Variants in NEUROG3 observed in about 807,000 individuals in gnomAD.
NEUROG3 encodes neurogenin 3, also known as neurogenin-3.
For synonymous variants in NEUROG3, 161 were observed against 139.2 expected (o/e 1.16, Z -1.10); for missense variants, 307 against 297.9 (o/e 1.03, Z -0.22).
In NEUROG3 at chr10:69,571,961, A is replaced by C; in HGVS notation, c.*438T>G. 1 of 190,572 alleles carries C rather than the reference A, an allele frequency of 5.2e-6. No homozygotes were observed. The highest frequency in any genetic ancestry group is 2.3e-3 in the Middle Eastern group (1 of 432). 11.8% of individuals were successfully genotyped at this position (190,572 alleles called of 1,614,324 possible). Reference sequence around the variant, plus strand: ...TCTTTGGAGCAAGGCAAGGGGAGTAAGCGCTGAGAGACCAAACATTGGATT... The same window carrying C: ...TCTTTGGAGCAAGGCAAGGGGAGTACGCGCTGAGAGACCAAACATTGGATT... On this transcript the variant is annotated 3_prime_UTR_variant, in exon 2 of 2. Transcript: ENST00000242462.
Position 69,572,035 on chromosome 10 carries a change from T to G in NEUROG3, c.*364A>C. 3.2e-6 allele frequency: 1 copy of G among 308,556 alleles called. No homozygotes were observed. Among genetic ancestry groups the G allele is most frequent in the South Asian group, 4.5e-5 (1 of 22,322 alleles). The allele number at this position is 308,556 out of a possible 1,614,324, so 19.1% of individuals were successfully genotyped here. On this transcript the variant is annotated 3_prime_UTR_variant, in exon 2 of 2. Coordinates refer to ENST00000242462, the MANE Select transcript of NEUROG3 (RefSeq NM_020999.4). ...TAAGAGACTGAGAGGCAGACAGACTTGAGTGAGGGTAGGGCGACCCAAGAC... is the reference window on the plus strand; with the variant it reads ...TAAGAGACTGAGAGGCAGACAGACTGGAGTGAGGGTAGGGCGACCCAAGAC...
rs1463946912 is a variant in NEUROG3, at chr10:69,571,760, A to G, written c.*639T>C. On this transcript the variant is annotated 3_prime_UTR_variant, in exon 2 of 2. Transcript: ENST00000242462. The stretch of plus-strand genomic sequence containing the variant: ...CGCAGTTCGCAGGGAGGCTGGGGAG[A>G]TGCTCCCTGGCCGGGCTAGCGCTTT... 1 of 152,088 alleles carries G rather than the reference A, an allele frequency of 6.6e-6. No individual in the cohort carries two copies. Among genetic ancestry groups the G allele is most frequent in the Non-Finnish European group, 1.5e-5 (1 of 68,020 alleles). The allele number at this position is 152,088 out of a possible 1,614,324, so 9.4% of individuals were successfully genotyped here.
In NEUROG3 at chr10:69,572,684, G is replaced by A; in HGVS notation, c.360C>T (p.Thr120=). The A allele has an allele frequency of 1.2e-6, 2 of 1,614,148 alleles. No homozygotes were observed. The highest frequency in any genetic ancestry group is 1.7e-4 in the Middle Eastern group (1 of 6,060). ...GGGCGAAGCGCAGCGTCTCGATCTT[G>A]GTGAGCTTCGCGTCGTCTGGGAAGG... The part of the protein sequence containing the change: ...LPTFPDDAKL[T]KIETLRFAHN... The change falls in exon 2 of 2, where the codon ACC becomes ACT. Residue 120 remains threonine (T), a synonymous_variant. Transcript: ENST00000242462.
Position 69,573,348 on chromosome 10 carries a change from G to A in NEUROG3, c.-140C>T. The A allele has an allele frequency of 1.9e-6, 1 of 514,120 alleles. No homozygotes were observed. Among genetic ancestry groups the A allele is most frequent in the Non-Finnish European group, 3.4e-6 (1 of 290,702 alleles). 31.8% of individuals were successfully genotyped at this position (514,120 alleles called of 1,614,324 possible). A position where few individuals can be genotyped will look rare whatever the true frequency, so the allele number is the denominator to read the frequency against. ...GCCCCAGCCCCAAAGGAGAAAAGAA[G>A]AGAGAATGGGGTCCGAGGCCTCTGT... On this transcript the variant is annotated 5_prime_UTR_variant, in exon 1 of 2. Transcript: ENST00000242462.
rs969278453 is a variant in NEUROG3, at chr10:69,572,685, G to A, written c.359C>T (p.Thr120Ile). The A allele has an allele frequency of 6.2e-7, 1 of 1,614,156 alleles. No homozygotes were observed. The highest frequency in any genetic ancestry group is 1.7e-5 in the Admixed American group (1 of 60,034). Residue 120 changes from threonine to isoleucine, a missense_variant, in exon 2 of 2, where the codon ACC (threonine) becomes ATC (isoleucine). Thr to Ile is a moderately conservative substitution (Grantham distance 89). Transcript: ENST00000242462. Reference protein sequence around the residue: ...LPTFPDDAKLTKIETLRFAHN... With the variant: ...LPTFPDDAKLIKIETLRFAHN... ...GGCGAAGCGCAGCGTCTCGATCTTG[G>A]TGAGCTTCGCGTCGTCTGGGAAGGT...
chr10:69,573,305 C>G lies in NEUROG3; in HGVS notation c.-97G>C, dbSNP rs976313396. 3.6e-6 allele frequency: 2 copies of G among 551,646 alleles called. No individual in the cohort carries two copies. Among genetic ancestry groups the G allele is most frequent in the Non-Finnish European group, 6.4e-6 (2 of 314,062 alleles). 34.2% of individuals were successfully genotyped at this position (551,646 alleles called of 1,614,324 possible). On this transcript the variant is annotated 5_prime_UTR_variant, in exon 1 of 2. Coordinates refer to ENST00000242462, the MANE Select transcript of NEUROG3 (RefSeq NM_020999.4). ...TCGCCAAGTTCAGCTGAGCTGCAGG[C>G]GCCCCCGCCTGGGAGTTGCCCCAGC...
rs377216129 is a variant in NEUROG3 at position 69,572,853 on chromosome 10, C to A, written c.191G>T (p.Arg64Leu). The A allele has an allele frequency of 9.3e-6, 15 of 1,610,000 alleles. No individual in the cohort carries two copies. The highest frequency in any genetic ancestry group is 2.2e-5 in the East Asian group (1 of 44,730). Residue 64 changes from arginine to leucine, a missense_variant, in exon 2 of 2, where the codon CGG (arginine) becomes CTG (leucine). Coordinates refer to ENST00000242462, the MANE Select transcript of NEUROG3 (RefSeq NM_020999.4). ...CRGAPRKLRA[R>L]RGGRSRPKSE... ...CTTAGGCCGGCTGCGTCCCCCGCGC[C>A]GTGCCCGGAGCTTCCTCGGGGCCCC...
In NEUROG3 at chr10:69,572,431, G is replaced by T; in HGVS notation, c.613C>A (p.Pro205Thr). The part of the protein sequence containing the change: ...LGATFSACLS[P>T]GSLAFSDFL ...AAATCTGAGAAAGCCAGACTGCCTGGGCTCAAGCAGGCGGAAAAGGTGGCC... is the reference window on the plus strand; with the variant it reads ...AAATCTGAGAAAGCCAGACTGCCTGTGCTCAAGCAGGCGGAAAAGGTGGCC... Residue 205 changes from proline to threonine, a missense_variant, in exon 2 of 2, where the codon CCA becomes ACA. Transcript: ENST00000242462. 1 of 1,588,428 alleles carries T rather than the reference G, an allele frequency of 6.3e-7. No homozygotes were observed. Among genetic ancestry groups the T allele is most frequent in the Non-Finnish European group, 8.5e-7 (1 of 1,171,540 alleles).
Position 69,572,418 on chromosome 10 carries a change from G to A in NEUROG3, c.626C>T (p.Ala209Val). The part of the protein sequence containing the change: ...FSACLSPGSL[A>V]FSDFL Reference sequence around the variant, plus strand: ...GTCCTTTCACAGAAAATCTGAGAAAGCCAGACTGCCTGGGCTCAAGCAGGC... The same window carrying A: ...GTCCTTTCACAGAAAATCTGAGAAAACCAGACTGCCTGGGCTCAAGCAGGC... The change falls in exon 2 of 2, where the codon GCT (alanine) becomes GTT (valine). Residue 209 changes from alanine (A) to valine (V), a missense_variant. By Grantham distance (64) the Ala-to-Val change is moderately conservative. Transcript: ENST00000242462. 1 of 1,588,026 alleles carries A rather than the reference G, an allele frequency of 6.3e-7. No homozygotes were observed.
rs1224408121 is a variant in NEUROG3 at position 69,572,489 on chromosome 10, G to A, written c.555C>T (p.Ala185=). 5 of 1,590,314 alleles carry A rather than the reference G, an allele frequency of 3.1e-6. No individual in the cohort carries two copies. The East Asian group carries it at 6.9e-5, about 22-fold the overall frequency. Residue 185 remains alanine (A), a synonymous_variant, in exon 2 of 2, where the codon GCC becomes GCT. Coordinates refer to ENST00000242462, the MANE Select transcript of NEUROG3 (RefSeq NM_020999.4). ...PVSQAGSLSP[A]ASLEERPGLL... is the part of the protein sequence containing the mutation. ...GCCCGGGTCGCTCCTCCAGCGACGC[G>A]GCGGGACTCAGGCTGCCAGCCTGGG...
chr10:69,572,393 G>A lies in NEUROG3; in HGVS notation c.*6C>T. Reference sequence around the variant, plus strand: ...GCACCCACAGCCCAGCGACAGACAGGTCCTTTCACAGAAAATCTGAGAAAG... The same window carrying A: ...GCACCCACAGCCCAGCGACAGACAGATCCTTTCACAGAAAATCTGAGAAAG... On this transcript the variant is annotated 3_prime_UTR_variant, in exon 2 of 2. Transcript: ENST00000242462. 6.3e-7 allele frequency: 1 copy of A among 1,583,404 alleles called. No individual in the cohort carries two copies. The highest frequency in any genetic ancestry group is 8.5e-7 in the Non-Finnish European group (1 of 1,172,244).
Position 69,573,281 on chromosome 10 carries a change from C to A in NEUROG3, c.-73G>T. The A allele has an allele frequency of 1.7e-6, 1 of 583,424 alleles. No homozygotes were observed. Among genetic ancestry groups the A allele is most frequent in the Non-Finnish European group, 3.0e-6 (1 of 334,484 alleles). 36.1% of individuals were successfully genotyped at this position (583,424 alleles called of 1,614,324 possible). A position where few individuals can be genotyped will look rare whatever the true frequency, so the allele number is the denominator to read the frequency against. On this transcript the variant is annotated 5_prime_UTR_variant, in exon 1 of 2. Transcript: ENST00000242462. The stretch of plus-strand genomic sequence containing the variant: ...GTGGGGAGCTCAGCGGGCTTCTGGT[C>A]GCCAAGTTCAGCTGAGCTGCAGGCG...
rs2133227010 is a variant in NEUROG3 at position 69,572,673 on chromosome 10, G to C, written c.371C>G (p.Thr124Arg). ...PDDAKLTKIETLRFAHNYIWA... is the reference protein window; with the variant it reads ...PDDAKLTKIERLRFAHNYIWA... ...GATGTAGTTGTGGGCGAAGCGCAGC[G>C]TCTCGATCTTGGTGAGCTTCGCGTC... Residue 124 changes from threonine to arginine, a missense_variant, in exon 2 of 2, where the codon ACG (threonine) becomes AGG (arginine). By Grantham distance (71) the Thr-to-Arg change is moderately conservative. Coordinates refer to ENST00000242462, the MANE Select transcript of NEUROG3 (RefSeq NM_020999.4). 1 of 1,614,136 alleles carries C rather than the reference G, an allele frequency of 6.2e-7. No individual in the cohort carries two copies. The highest frequency in any genetic ancestry group is 8.5e-7 in the Non-Finnish European group (1 of 1,179,966).
chr10:69,572,897 C>T lies in NEUROG3; in HGVS notation c.147G>A (p.Ala49=). Reference sequence around the variant, plus strand: ...GGGCCCCTCGGCAGCCTCCCTCTTCCGCCTCTGCGCAGTTCCCCCGTGTGC... The same window carrying T: ...GGGCCCCTCGGCAGCCTCCCTCTTCTGCCTCTGCGCAGTTCCCCCGTGTGC... The part of the protein sequence containing the change: ...PTRTRGNCAE[A]EEGGCRGAPR... Residue 49 remains alanine (A), a synonymous_variant, in exon 2 of 2, where the codon GCG becomes GCA. Transcript: ENST00000242462. 1.2e-6 allele frequency: 2 copies of T among 1,610,970 alleles called. No homozygotes were observed. Among genetic ancestry groups the T allele is most frequent in the Non-Finnish European group, 1.7e-6 (2 of 1,179,064 alleles).
rs1839220801 is a variant in NEUROG3 at position 69,572,303 on chromosome 10, T to C, written c.*96A>G. ...GGGAGAAGCAGAAGGAACAAGTGCT[T>C]TTGAGGGCCGCCGCCGTCGGCCACC... On this transcript the variant is annotated 3_prime_UTR_variant, in exon 2 of 2. Transcript: ENST00000242462. 7.1e-7 allele frequency: 1 copy of C among 1,409,008 alleles called. No individual in the cohort carries two copies. The highest frequency in any genetic ancestry group is 1.4e-5 in the African/African-American group (1 of 70,552). The allele number at this position is 1,409,008 out of a possible 1,614,324, so 87.3% of individuals were successfully genotyped here. A position where few individuals can be genotyped will look rare whatever the true frequency, so the allele number is the denominator to read the frequency against.
intron 1 of NEUROG3, 53 bp from the exon 2 acceptor site, chr10:69,573,097 C>T: frequency 6.3e-7 from 1 of 1,596,026 alleles, no homozygotes; most frequent in Non-Finnish European, 8.6e-7. Flanking sequence ...TGGGCGCAGT[C>T]CGCGATTCCG....
chr10:69,573,113 A>C, intron 1 of NEUROG3, 69 bp from the exon 2 acceptor site: 1 of 1,574,374 alleles, frequency 6.4e-7, no homozygotes, highest in South Asian at 1.1e-5. Context: ...TTCCGAGGCT[A>C]GGTGGGAAAA....
Position 69,572,478 on chromosome 10 carries a change from T to C in NEUROG3, c.566A>G (p.Glu189Gly), listed in dbSNP as rs1273084764. The C allele has an allele frequency of 6.3e-7, 1 of 1,590,364 alleles. No homozygotes were observed. Among genetic ancestry groups the C allele is most frequent in the East Asian group, 2.3e-5 (1 of 43,350 alleles). ...AGSLSPAASL[E>G]ERPGLLGATF... is the part of the protein sequence containing the mutation. ...GGCCCCCAGCAGCCCGGGTCGCTCCTCCAGCGACGCGGCGGGACTCAGGCT... is the reference window on the plus strand; with the variant it reads ...GGCCCCCAGCAGCCCGGGTCGCTCCCCCAGCGACGCGGCGGGACTCAGGCT... Residue 189 changes from glutamate (E) to glycine (G), a missense_variant, in exon 2 of 2, where the codon GAG (glutamate) becomes GGG (glycine). Transcript: ENST00000242462.
At position 69,572,606 on chromosome 10, in the gene NEUROG3, C is replaced by T. The variant is rs769518165; in HGVS notation, c.438G>A (p.Leu146=). Residue 146 remains leucine, a synonymous_variant, in exon 2 of 2, where the codon TTG becomes TTA. Transcript: ENST00000242462. ...TQTLRIADHS[L]YALEPPAPHC... ...GCGGCGCCGGCGGCTCCAGCGCGTACAAGCTGTGGTCCGCTATGCGCAGCG... is the reference window on the plus strand; with the variant it reads ...GCGGCGCCGGCGGCTCCAGCGCGTATAAGCTGTGGTCCGCTATGCGCAGCG... 2 of 1,613,906 alleles carry T rather than the reference C, an allele frequency of 1.2e-6. No individual in the cohort carries two copies. Among genetic ancestry groups the T allele is most frequent in the Non-Finnish European group, 1.7e-6 (2 of 1,179,926 alleles).
Sources: allele counts gnomAD v4.1 joint callset, GRCh38; gene constraint gnomAD v4.1.1; transcripts MANE v1.5; gene names NCBI Gene and HGNC (gene_info 2026-07-23, HGNC 2026-07-21).